HS3ST2: variants seen among roughly 807,000 people sequenced by gnomAD.
HS3ST2 encodes the protein heparan sulfate-glucosamine 3-sulfotransferase 2.
HS3ST2 carries 17 observed loss-of-function variants against 26.3 expected under a neutral mutation model. The observed-to-expected ratio is 0.65, with a 90% CI of 0.44 to 0.97. The LOEUF (loss-of-function observed/expected upper bound fraction) is 0.97. Ranked by LOEUF, HS3ST2 falls within the 50% of genes least tolerant of loss-of-function variation. The pLI is 0.00. For missense variants in HS3ST2, 402 were observed against 501.2 expected, an observed-to-expected ratio of 0.80 and a Z score of 1.89; for synonymous variants, 237 against 219.2, an observed-to-expected ratio of 1.08 and a Z score of -0.72.
intron 1 of HS3ST2, among the ~76,000 whole-genome samples, chr16:22,884,021 G>C (rs1271130090): frequency 1.3e-5 from 2 of 152,162 alleles, no homozygotes; most frequent in Non-Finnish European, 2.9e-5. Context: ...TGAGGATAAA[G>C]GCTCTATCAT....
At chr16:22,897,302 A>G (rs940031423) in intron 1 of HS3ST2, among the ~76,000 whole-genome samples, 13 of 152,108 alleles carry the variant, frequency 8.5e-5, no homozygotes, top group Non-Finnish European at 5.9e-5. Flanking sequence ...AGCAAGTACT[A>G]CATCTATGTT....
At chr16:22,895,287 G>A (rs1358352079) in intron 1 of HS3ST2, among the ~76,000 whole-genome samples, 5 of 151,890 alleles carry the variant, frequency 3.3e-5, no homozygotes, top group Admixed American at 2.0e-4. Context: ...ACAGGGTTTC[G>A]CCATGTTGGC....
At chr16:22,871,259 G>A (rs766756048) in intron 1 of HS3ST2, among the ~76,000 whole-genome samples, 1 of 151,960 alleles carries the variant, frequency 6.6e-6, no homozygotes, top group Non-Finnish European at 1.5e-5. Flanking sequence ...GGGAAGCTGA[G>A]GCAGAAGAAT....
At chr16:22,874,648 C>G (rs970992014) in intron 1 of HS3ST2, among the ~76,000 whole-genome samples, 1 of 152,348 alleles carries the variant, frequency 6.6e-6, no homozygotes, top group South Asian at 2.1e-4. Flanking sequence ...CTGCTGAGAG[C>G]TGGCAGAGGC....
chr16:22,906,031 T>G (rs1190982971), intron 1 of HS3ST2, among the ~76,000 whole-genome samples: 2 of 152,120 alleles, frequency 1.3e-5, no homozygotes, highest in African/African-American at 4.8e-5. Context: ...TCTGCCACAG[T>G]GGTTCTAAGC....
At chr16:22,880,916 A>G (rs1427399552) in intron 1 of HS3ST2, among the ~76,000 whole-genome samples, 1 of 152,234 alleles carries the variant, frequency 6.6e-6, no homozygotes, top group Non-Finnish European at 1.5e-5. Flanking sequence ...AGAACAGCAG[A>G]GTCGAGTGAT....
intron 1 of HS3ST2, among the ~76,000 whole-genome samples, chr16:22,883,292 G>T (rs1399069648): frequency 1.3e-5 from 2 of 152,224 alleles, no homozygotes; most frequent in African/African-American, 4.8e-5. Flanking sequence ...CTGCAACTCA[G>T]TCTGAGGGTT....
intron 1 of HS3ST2, among the ~76,000 whole-genome samples, chr16:22,837,495 GTGTGTATATATA>G (rs896053429): frequency 4.1e-5 from 6 of 147,706 alleles, no homozygotes; most frequent in African/African-American, 1.5e-4. Context: ...GTGTGTGTGT[GTGTGTATATATA>G]TGTGTATATA....
At chr16:22,842,999 C>T (rs1901379982) in intron 1 of HS3ST2, among the ~76,000 whole-genome samples, 1 of 152,102 alleles carries the variant, frequency 6.6e-6, no homozygotes, top group African/African-American at 2.4e-5. Flanking sequence ...TTTATAGTTT[C>T]TTTTAAATTG....
At chr16:22,841,970 C>T (rs979621710) in intron 1 of HS3ST2, among the ~76,000 whole-genome samples, 8 of 151,796 alleles carry the variant, frequency 5.3e-5, no homozygotes, top group Non-Finnish European at 1.2e-4. Context: ...GAAAACTTCT[C>T]TGAATCTAGA....
intron 1 of HS3ST2, among the ~76,000 whole-genome samples, chr16:22,888,742 T>A (rs1902096611): frequency 6.6e-6 from 1 of 152,188 alleles, no homozygotes. Flanking sequence ...TTCTGGAAAC[T>A]ATATGGTCTG....
intron 1 of HS3ST2, among the ~76,000 whole-genome samples, chr16:22,830,221 C>A (rs1339870246): frequency 6.6e-6 from 1 of 152,098 alleles, no homozygotes; most frequent in Non-Finnish European, 1.5e-5. Flanking sequence ...ATTCAGAACA[C>A]CAAGAGAAGA....
At chr16:22,898,146 A>G (rs1902231624) in intron 1 of HS3ST2, among the ~76,000 whole-genome samples, 1 of 152,228 alleles carries the variant, frequency 6.6e-6, no homozygotes, top group African/African-American at 2.4e-5. Flanking sequence ...TTGCCTGCCT[A>G]TGATGGCATG....
chr16:22,829,529 T>C (rs1901138624), intron 1 of HS3ST2, among the ~76,000 whole-genome samples: 1 of 152,138 alleles, frequency 6.6e-6, no homozygotes, highest in South Asian at 2.1e-4. Context: ...GAAAGTGAAC[T>C]CTCAATTTAT....
intron 1 of HS3ST2, among the ~76,000 whole-genome samples, chr16:22,844,008 TACACACACAC>T (rs71876208): frequency 4.0e-5 from 6 of 148,530 alleles, no homozygotes; most frequent in African/African-American, 9.8e-5. Flanking sequence ...GATGAAAACC[TACACACACAC>T]ACACACACAC....
At chr16:22,899,655 G>A (rs143971703) in intron 1 of HS3ST2, among the ~76,000 whole-genome samples, 2 of 152,286 alleles carry the variant, frequency 1.3e-5, no homozygotes, top group East Asian at 1.9e-4. Context: ...ACAGTTCAGC[G>A]TGGCTGAGGA....
At chr16:22,904,588 A>C (rs1027055276) in intron 1 of HS3ST2, among the ~76,000 whole-genome samples, 3 of 152,210 alleles carry the variant, frequency 2.0e-5, no homozygotes, top group African/African-American at 7.2e-5. Context: ...ATGAGCTGAG[A>C]GATGTTTTGC....
intron 1 of HS3ST2, among the ~76,000 whole-genome samples, chr16:22,859,245 C>T (rs983519052): frequency 3.3e-5 from 5 of 152,304 alleles, no homozygotes; most frequent in African/African-American, 9.6e-5. Flanking sequence ...GTTACCCATG[C>T]TCTAAGAAGA....
At chr16:22,898,758 A>G (rs1044325151) in intron 1 of HS3ST2, among the ~76,000 whole-genome samples, 7 of 152,234 alleles carry the variant, frequency 4.6e-5, no homozygotes, top group Admixed American at 3.9e-4. Context: ...ATGTGGTTTT[A>G]GGCACATCTG....
Sources: gnomAD v4.1 joint callset for allele counts (sites outside exome capture counted in the v4.1 genomes callset) on GRCh38, gnomAD v4.1.1 for gene constraint, MANE v1.5 for transcripts, NCBI Gene and HGNC (gene_info 2026-07-23, HGNC 2026-07-21) for gene names.